B3GALT1: variants seen among roughly 807,000 people sequenced by gnomAD.
B3GALT1 encodes the protein beta-1,3-galactosyltransferase 1, also known as UDP-Gal:betaGlcNAc beta 1,3-galactosyltransferase, polypeptide 1.
In B3GALT1, 10 loss-of-function variants were observed where a neutral mutation model predicts 23.2. The observed-to-expected ratio is 0.43, with a 90% CI of 0.27 to 0.73. The LOEUF is 0.73. Among genes scored for constraint, B3GALT1 ranks in the 30% least tolerant of loss-of-function variants. B3GALT1 has a pLI of 0.21. For missense variants in B3GALT1, 299 were observed against 405.4 expected, an observed-to-expected ratio of 0.74 and a Z score of 2.25; for synonymous variants, 156 against 141.5, an observed-to-expected ratio of 1.10 and a Z score of -0.73.
chr2:167,715,351 T>C (rs1014422627), intron 3 of B3GALT1: 2 of 1,613,808 alleles, frequency 1.2e-6, no homozygotes, highest in African/African-American at 2.7e-5. Flanking sequence ...GTTTATTAAG[T>C]TCAGTCACTT....
chr2:167,797,015 T>C (rs1055139154), intron 3 of B3GALT1, among the ~76,000 whole-genome samples: 3 of 152,216 alleles, frequency 2.0e-5, no homozygotes, highest in African/African-American at 7.2e-5. Flanking sequence ...GTGCAGGACG[T>C]GCAGGTTTGT....
chr2:167,517,749 T>C (rs1303398962), intron 2 of B3GALT1, among the ~76,000 whole-genome samples: 1 of 152,090 alleles, frequency 6.6e-6, no homozygotes, highest in Non-Finnish European at 1.5e-5. Context: ...ACCATGACTA[T>C]CTACTTTTAC....
chr2:167,473,089 C>G lies in B3GALT1; in HGVS notation c.-510-17088C>G, dbSNP rs1488973266. Among the ~76,000 whole-genome samples, 3 of 152,156 alleles carry G rather than the reference C, an allele frequency of 2.0e-5. No individual in the cohort carries two copies. In the East Asian group the frequency reaches 5.8e-4, roughly 29 times the overall value. On this transcript the variant is annotated intron_variant, in intron 1 of 4. Coordinates refer to ENST00000392690, the MANE Select transcript of B3GALT1 (RefSeq NM_020981.4). ...CAGTGATTTCCACTTAGGACCTTAA[C>G]AGTGTGTTTGCAGAGATTAGTGATT... is the stretch of plus-strand genomic sequence containing the variant.
At chr2:167,578,379 C>T (rs1006912661) in intron 2 of B3GALT1, among the ~76,000 whole-genome samples, 1 of 151,928 alleles carries the variant, frequency 6.6e-6, no homozygotes, top group Admixed American at 6.6e-5. Flanking sequence ...TAGATTACCC[C>T]AGACCCACAC....
chr2:167,806,314 C>A (rs987750422), intron 3 of B3GALT1, among the ~76,000 whole-genome samples: 1 of 152,142 alleles, frequency 6.6e-6, no homozygotes, highest in Non-Finnish European at 1.5e-5. Context: ...ATTGAATACC[C>A]TTTATTTCCT....
chr2:167,393,590 A>G (rs1031318277), intron 1 of B3GALT1, among the ~76,000 whole-genome samples: 3 of 152,236 alleles, frequency 2.0e-5, no homozygotes, highest in African/African-American at 7.2e-5. Flanking sequence ...AAAAAGGTAA[A>G]TTATGACAAC....
rs1699294979 is a variant in B3GALT1 at position 167,463,329 on chromosome 2, A to G, written c.-510-26848A>G. On this transcript the variant is annotated intron_variant, in intron 1 of 4. Transcript: ENST00000392690. Reference sequence around the variant, plus strand: ...TGCCTTTTAAAGTTTATCAGAAAGAAGTGTAAGGTTCTCCACGTGAGTCTA... The same window carrying G: ...TGCCTTTTAAAGTTTATCAGAAAGAGGTGTAAGGTTCTCCACGTGAGTCTA... 3.3e-5 allele frequency among the ~76,000 whole-genome samples: 5 copies of G among 152,122 alleles called. No individual in the cohort carries two copies. In the South Asian group the frequency reaches 1.0e-3, roughly 32 times the overall value.
intron 3 of B3GALT1, among the ~76,000 whole-genome samples, chr2:167,663,781 G>C (rs975744019): frequency 1.3e-5 from 2 of 152,010 alleles, no homozygotes; most frequent in South Asian, 2.1e-4. Flanking sequence ...CTCTGTTCAT[G>C]TCCTTCGCCC....
At chr2:167,564,530 G>T (rs575066719) in intron 2 of B3GALT1, among the ~76,000 whole-genome samples, 2 of 152,122 alleles carry the variant, frequency 1.3e-5, no homozygotes, top group African/African-American at 4.8e-5. Context: ...GGTGGAGGCC[G>T]CAGCGAGCCG....
At chr2:167,757,555 G>A (rs1342167649) in intron 3 of B3GALT1, among the ~76,000 whole-genome samples, 1 of 152,126 alleles carries the variant, frequency 6.6e-6, no homozygotes, top group Non-Finnish European at 1.5e-5. Context: ...AAAAGGCATA[G>A]GTACCTTAGT....
At chr2:167,633,651 A>G (rs1162094514) in intron 2 of B3GALT1, among the ~76,000 whole-genome samples, 1 of 152,076 alleles carries the variant, frequency 6.6e-6, no homozygotes, top group Non-Finnish European at 1.5e-5. Context: ...CTAAATATAT[A>G]TGCACCCAAT....
chr2:167,564,548 G>A (rs1179092680), intron 2 of B3GALT1, among the ~76,000 whole-genome samples: 3 of 152,166 alleles, frequency 2.0e-5, no homozygotes, highest in Non-Finnish European at 2.9e-5. Context: ...CCGAGACCAC[G>A]CCACTGCACT....
At chr2:167,349,887 C>T (rs1315652078) in intron 1 of B3GALT1, among the ~76,000 whole-genome samples, 1 of 152,016 alleles carries the variant, frequency 6.6e-6, no homozygotes, top group African/African-American at 2.4e-5. Flanking sequence ...ACATCAATAG[C>T]AATTTGTATT....
chr2:167,602,510 C>T (rs1178914963), intron 2 of B3GALT1, among the ~76,000 whole-genome samples: 1 of 152,042 alleles, frequency 6.6e-6, no homozygotes, highest in Non-Finnish European at 1.5e-5. Flanking sequence ...ATGGTACAGG[C>T]CTTGATACAA....
At chr2:167,804,143 C>A (rs984023067) in intron 3 of B3GALT1, among the ~76,000 whole-genome samples, 3 of 152,018 alleles carry the variant, frequency 2.0e-5, no homozygotes, top group African/African-American at 7.2e-5. Context: ...GTGGGCACCA[C>A]CACGTCCAGC....
intron 3 of B3GALT1, chr2:167,715,639 C>T (rs1687130596): frequency 1.9e-6 from 3 of 1,613,844 alleles, no homozygotes; most frequent in Non-Finnish European, 1.7e-6. Flanking sequence ...GGATTTCATC[C>T]TCAAGTTCAG....
At chr2:167,607,040 G>A (rs1237991273) in intron 2 of B3GALT1, among the ~76,000 whole-genome samples, 1 of 152,162 alleles carries the variant, frequency 6.6e-6, no homozygotes, top group Non-Finnish European at 1.5e-5. Flanking sequence ...TGCTTGGTAT[G>A]TATCCCTGGA....
At chr2:167,748,733 T>C (rs1312849420) in intron 3 of B3GALT1, among the ~76,000 whole-genome samples, 4 of 152,186 alleles carry the variant, frequency 2.6e-5, no homozygotes, top group Non-Finnish European at 5.9e-5. Flanking sequence ...CATTGAACAA[T>C]GAATTTTAGT....
Position 167,868,959 on chromosome 2 carries a change from T to C in B3GALT1, c.-81T>C. 2 of 1,462,100 alleles carry C rather than the reference T, an allele frequency of 1.4e-6. No individual in the cohort carries two copies. Among genetic ancestry groups the C allele is most frequent in the Non-Finnish European group, 1.8e-6 (2 of 1,086,522 alleles). 90.6% of individuals were successfully genotyped at this position (1,462,100 alleles called of 1,614,324 possible). On this transcript the variant is annotated 5_prime_UTR_variant, in exon 5 of 5. An upstream start codon of the reference 5' UTR is lost. Coordinates refer to ENST00000392690, the MANE Select transcript of B3GALT1 (RefSeq NM_020981.4). ...CAAACTTGAAGATTTATTAGTAATA[T>C]GCTGCCTTTGGAAGATGAAAACAAA...
Sources: allele counts gnomAD v4.1 joint callset (sites outside exome capture counted in the v4.1 genomes callset), GRCh38; gene constraint gnomAD v4.1.1; transcripts MANE v1.5; gene names NCBI Gene and HGNC (gene_info 2026-07-23, HGNC 2026-07-21).